The following TOX variants were observed in gnomAD, a reference collection of about 807,000 sequenced individuals.
TOX encodes thymocyte selection associated high mobility group box.
A neutral mutation model predicts 53.7 loss-of-function variants in TOX; 11 were observed. That is an observed-to-expected ratio of 0.20 (90% CI 0.13 to 0.34). The LOEUF (loss-of-function observed/expected upper bound fraction) is 0.34, where lower values mean the gene tolerates loss of function less well. Among genes scored for constraint, TOX ranks in the 10% least tolerant of loss-of-function variants. The pLI, the probability that TOX is intolerant of heterozygous loss-of-function variation, is 1.00. For synonymous variants in TOX, 225 were observed against 245.3 expected (o/e 0.92, Z 0.77); for missense variants, 570 against 664.6 (o/e 0.86, Z 1.56).
At chr8:59,037,741 G>A (rs1197109680) in intron 1 of TOX, among the ~76,000 whole-genome samples, 2 of 148,636 alleles carry the variant, frequency 1.3e-5, no homozygotes, top group Admixed American at 6.8e-5. Flanking sequence ...GGCGGAGGTT[G>A]CAGTGAGCCG....
In TOX at chr8:59,117,192, TTTA is replaced by T. The variant is rs1338170777; in HGVS notation, c.102+1691_102+1693del. On this transcript the variant is annotated intron_variant, in intron 1 of 8. Transcript: ENST00000361421. The surrounding 1 kb of genome is among the most constrained non-coding windows in gnomAD (Gnocchi z 4.6). ...TTACTCTCCAAGATAGGGCTGCAAC[TTTA>T]TTATTTTTTATTAGCAATAGTATTG... is the stretch of plus-strand genomic sequence containing the variant. 6.6e-6 allele frequency among the ~76,000 whole-genome samples: 1 copy of T among 152,254 alleles called. No homozygotes were observed. Among genetic ancestry groups the T allele is most frequent in the African/African-American group, 2.4e-5 (1 of 41,464 alleles).
intron 3 of TOX, among the ~76,000 whole-genome samples, chr8:58,872,069 T>C (rs527315622): frequency 6.6e-6 from 1 of 152,196 alleles, no homozygotes; most frequent in Non-Finnish European, 1.5e-5. Context: ...GGAGCATTTT[T>C]TTTTCATGGA....
intron 3 of TOX, among the ~76,000 whole-genome samples, chr8:58,856,709 C>T (rs906151266): frequency 6.6e-6 from 1 of 151,664 alleles, no homozygotes; most frequent in African/African-American, 2.4e-5. Context: ...TGTGGTGCTT[C>T]CAAGAAGTCT....
At chr8:58,975,141 G>T (rs530641491) in intron 1 of TOX, among the ~76,000 whole-genome samples, 14 of 151,226 alleles carry the variant, frequency 9.3e-5, no homozygotes, top group Non-Finnish European at 1.8e-4. Flanking sequence ...AGATTTTACA[G>T]ATATATATTA....
At chr8:58,996,353 A>G (rs1813561062) in intron 1 of TOX, among the ~76,000 whole-genome samples, 1 of 152,180 alleles carries the variant, frequency 6.6e-6, no homozygotes, top group Non-Finnish European at 1.5e-5. Context: ...TTCTCTTCCT[A>G]AAGTCTCATT....
At chr8:58,963,221 G>A (rs561108132) in intron 1 of TOX, among the ~76,000 whole-genome samples, 6 of 152,106 alleles carry the variant, frequency 3.9e-5, no homozygotes, top group African/African-American at 1.4e-4. Flanking sequence ...GCTAACTGCA[G>A]GTCTTGGGAC....
rs1809968772 is a variant in TOX at position 58,806,044 on chromosome 8, G to A, written c.*1703C>T. 6.6e-6 allele frequency: 1 copy of A among 152,562 alleles called. No homozygotes were observed. The highest frequency in any genetic ancestry group is 1.5e-5 in the Non-Finnish European group (1 of 68,040). The allele number at this position is 152,562 out of a possible 1,614,324, so 9.5% of individuals were successfully genotyped here. Reference sequence around the variant, plus strand: ...CCAACCAGACTAACTTTCTTGATATGATCCCCTAAAAAGGAGTAAATCTGC... The same window carrying A: ...CCAACCAGACTAACTTTCTTGATATAATCCCCTAAAAAGGAGTAAATCTGC... On this transcript the variant is annotated 3_prime_UTR_variant, in exon 9 of 9. Transcript: ENST00000361421.
At chr8:58,868,756 T>C (rs1811145946) in intron 3 of TOX, among the ~76,000 whole-genome samples, 1 of 149,778 alleles carries the variant, frequency 6.7e-6, no homozygotes, top group African/African-American at 2.5e-5. Flanking sequence ...CTTAAGCTTC[T>C]ACCATAGTAA....
intron 3 of TOX, among the ~76,000 whole-genome samples, chr8:58,933,093 C>T (rs1034095603): frequency 6.6e-6 from 1 of 152,152 alleles, no homozygotes; most frequent in African/African-American, 2.4e-5. Context: ...TTAGGAAGCA[C>T]ACTCTACAAA....
At chr8:59,116,169 T>C (rs1240268621) in intron 1 of TOX, among the ~76,000 whole-genome samples, 1 of 152,220 alleles carries the variant, frequency 6.6e-6, no homozygotes, top group Non-Finnish European at 1.5e-5. Context: ...ACACCAACTT[T>C]AAATAAGCAA....
chr8:59,054,003 GA>G (rs552123935), intron 1 of TOX, among the ~76,000 whole-genome samples: 2 of 151,758 alleles, frequency 1.3e-5, no homozygotes, highest in Non-Finnish European at 2.9e-5. Context: ...AACTATATTG[GA>G]AAAAAATATC....
intron 5 of TOX, among the ~76,000 whole-genome samples, chr8:58,836,085 G>A (rs1438506023): frequency 6.6e-6 from 1 of 152,216 alleles, no homozygotes; most frequent in African/African-American, 2.4e-5. Flanking sequence ...CTGAAGCCAG[G>A]TGCATATTCA....
chr8:58,941,691 T>C (rs1261263050), intron 2 of TOX, among the ~76,000 whole-genome samples: 3 of 152,150 alleles, frequency 2.0e-5, no homozygotes, highest in Non-Finnish European at 2.9e-5. Flanking sequence ...ATTTCATAAT[T>C]TGTCTGTCAA....
intron 3 of TOX, among the ~76,000 whole-genome samples, chr8:58,856,580 C>T (rs938679220): frequency 1.3e-5 from 2 of 152,118 alleles, no homozygotes; most frequent in Non-Finnish European, 1.5e-5. Flanking sequence ...TACCCTCCTA[C>T]ACTCATTTTC....
In TOX at chr8:59,039,475, G is replaced by A. The variant is rs538414745; in HGVS notation, c.102+79411C>T. Reference sequence around the variant, plus strand: ...TCCCTTGGTAGTGAACAAGCAGACAGCTGAAGGAGTAAAAATTCTAGGATT... The same window carrying A: ...TCCCTTGGTAGTGAACAAGCAGACAACTGAAGGAGTAAAAATTCTAGGATT... On this transcript the variant is annotated intron_variant, in intron 1 of 8. Coordinates refer to ENST00000361421, the MANE Select transcript of TOX (RefSeq NM_014729.3). Among the ~76,000 whole-genome samples the A allele has an allele frequency of 2.0e-5, 3 of 152,262 alleles. No individual in the cohort carries two copies. The East Asian group carries it at 5.9e-4, about 30-fold the overall frequency.
chr8:58,983,603 C>G (rs1313958150), intron 1 of TOX, among the ~76,000 whole-genome samples: 3 of 152,170 alleles, frequency 2.0e-5, no homozygotes, highest in Non-Finnish European at 4.4e-5. Context: ...GAACTCCATA[C>G]AAATAAATAT....
At chr8:58,989,535 T>C (rs1813402406) in intron 1 of TOX, among the ~76,000 whole-genome samples, 1 of 152,138 alleles carries the variant, frequency 6.6e-6, no homozygotes, top group Non-Finnish European at 1.5e-5. Flanking sequence ...CTTGCTTTGT[T>C]CCCATTAACT....
At chr8:58,898,593 GGGATACAGGAAGCAT>G (rs1306096049) in intron 3 of TOX, among the ~76,000 whole-genome samples, 1 of 152,140 alleles carries the variant, frequency 6.6e-6, no homozygotes, top group Non-Finnish European at 1.5e-5. Context: ...TTTGGCACAG[GGGATACAGGAAGCAT>G]TTGGGCCCAA....
chr8:59,040,139 G>C lies in TOX; in HGVS notation c.102+78747C>G, dbSNP rs553786980. 1.5e-3 allele frequency among the ~76,000 whole-genome samples: 223 copies of C among 151,988 alleles called. 1 individual carries two copies. Among genetic ancestry groups the C allele is most frequent in the Middle Eastern group, 3.4e-3 (1 of 294 alleles). On this transcript the variant is annotated intron_variant, in intron 1 of 8. Coordinates refer to ENST00000361421, the MANE Select transcript of TOX (RefSeq NM_014729.3). Reference sequence around the variant, plus strand: ...GGTCAGGAGATCGAGACCATCCCGGGTAAAACGGTGAAACCCCGTCTCTAC... The same window carrying C: ...GGTCAGGAGATCGAGACCATCCCGGCTAAAACGGTGAAACCCCGTCTCTAC...
Sources: gnomAD v4.1 joint callset for allele counts (sites outside exome capture counted in the v4.1 genomes callset) on GRCh38, gnomAD v4.1.1 for gene constraint, Gnocchi (gnomAD v3.1) non-coding constraint, MANE v1.5 for transcripts, NCBI Gene and HGNC (gene_info 2026-07-23, HGNC 2026-07-21) for gene names.